The following OPHN1 variants were observed in gnomAD, a reference collection of about 807,000 sequenced individuals.
The protein encoded by OPHN1 is oligophrenin 1, also known as oligophrenin-1.
OPHN1 carries 11 observed loss-of-function variants against 60.7 expected under a neutral mutation model. That is an observed-to-expected ratio of 0.18 (90% CI 0.11 to 0.30). OPHN1 has a LOEUF of 0.30. Among genes scored for constraint, OPHN1 ranks in the 10% least tolerant of loss-of-function variants. The pLI is 1.00. For missense variants in OPHN1, 449 were observed against 611.0 expected, an observed-to-expected ratio of 0.73 and a Z score of 2.80; for synonymous variants, 226 against 222.6, an observed-to-expected ratio of 1.02 and a Z score of -0.14.
intron 19 of OPHN1, among the ~76,000 whole-genome samples, chrX:68,084,847 A>G (rs1272053003): frequency 8.9e-6 from 1 of 111,987 alleles, no homozygotes; most frequent in Non-Finnish European, 1.9e-5. Flanking sequence ...GGTGCTTGGT[A>G]GGCTTAAAAC....
At chrX:68,150,541 G>C (rs1022645286) in intron 15 of OPHN1, among the ~76,000 whole-genome samples, 1 of 111,866 alleles carries the variant, frequency 8.9e-6, no homozygotes, top group Non-Finnish European at 1.9e-5. Flanking sequence ...CTGAGTATCT[G>C]AGAACATGAA....
chrX:68,354,452 CA>C (rs1172935913), intron 2 of OPHN1, among the ~76,000 whole-genome samples: 102 of 24,843 alleles, frequency 4.1e-3, no homozygotes, highest in African/African-American at 0.012. Flanking sequence ...GACTCCATCT[CA>C]AAAAAAAAAA....
chrX:68,303,808 A>G (rs1450229461), intron 2 of OPHN1, among the ~76,000 whole-genome samples: 3 of 111,208 alleles, frequency 2.7e-5, no homozygotes, highest in African/African-American at 9.8e-5. Flanking sequence ...TAAATACCAC[A>G]TGCTCTTACT....
chrX:68,376,458 A>C (rs1342983955), intron 2 of OPHN1, among the ~76,000 whole-genome samples: 1 of 111,054 alleles, frequency 9.0e-6, no homozygotes, highest in East Asian at 2.8e-4. Context: ...GGAAAGGGAG[A>C]AAGAGATAGG....
chrX:68,355,745 A>G (rs375209889), intron 2 of OPHN1, among the ~76,000 whole-genome samples: 1 of 112,234 alleles, frequency 8.9e-6, no homozygotes. Flanking sequence ...CAGGATAAAA[A>G]TAGCGAAGTG....
chrX:68,083,721 T>C (rs759606944), intron 19 of OPHN1, among the ~76,000 whole-genome samples: 4 of 112,305 alleles, frequency 3.6e-5, no homozygotes, highest in Non-Finnish European at 5.6e-5. Flanking sequence ...AGCTTTTGAG[T>C]TAACATGAGA....
chrX:68,164,831 T>C (rs1323411354), intron 15 of OPHN1, among the ~76,000 whole-genome samples: 2 of 112,456 alleles, frequency 1.8e-5, no homozygotes, highest in Non-Finnish European at 3.8e-5. Flanking sequence ...TGTATTTTAC[T>C]GTAGCCGCCT....
At position 68,053,670 on chromosome X, in the gene OPHN1, T is replaced by C; in HGVS notation, c.2299A>G (p.Asn767Asp). The change falls in exon 22 of 25, where the codon AAT becomes GAT. Residue 767 changes from asparagine to aspartate, a missense_variant. Transcript: ENST00000355520. ...PEPKPDIVAG[N>D]AGEITSSVVA... Reference sequence around the variant, plus strand: ...ACAGATGATGTGATTTCCCCCGCATTGCCAGCCACAATATCTGGCTTTGGT... The same window carrying C: ...ACAGATGATGTGATTTCCCCCGCATCGCCAGCCACAATATCTGGCTTTGGT... 1.7e-6 allele frequency: 2 copies of C among 1,211,539 alleles called. No individual in the cohort carries two copies. The highest frequency in any genetic ancestry group is 2.2e-6 in the Non-Finnish European group (2 of 895,446).
intron 16 of OPHN1, among the ~76,000 whole-genome samples, chrX:68,115,879 G>T (rs2077124954): frequency 8.9e-6 from 1 of 112,105 alleles, no homozygotes; most frequent in Non-Finnish European, 1.9e-5. Flanking sequence ...GCCCAAGGTG[G>T]TCAGGGTACA....
intron 16 of OPHN1, among the ~76,000 whole-genome samples, chrX:68,116,841 T>C (rs1434938770): frequency 9.0e-6 from 1 of 111,068 alleles, no homozygotes; most frequent in Admixed American, 9.6e-5. Flanking sequence ...TCATATCCAA[T>C]TCATGAATTG....
At chrX:68,396,460 T>C (rs1222301013) in intron 2 of OPHN1, among the ~76,000 whole-genome samples, 1 of 102,290 alleles carries the variant, frequency 9.8e-6, no homozygotes, top group African/African-American at 3.5e-5. Flanking sequence ...TACATGTCTC[T>C]CCCTGTGTTT....
intron 20 of OPHN1, among the ~76,000 whole-genome samples, chrX:68,064,459 T>C (rs2076905777): frequency 8.9e-6 from 1 of 111,847 alleles, no homozygotes; most frequent in African/African-American, 3.2e-5. Context: ...ATTAAAGGAA[T>C]ATGTCACTCA....
chrX:68,256,199 T>G (rs2077862638), intron 5 of OPHN1, among the ~76,000 whole-genome samples: 1 of 111,337 alleles, frequency 9.0e-6, no homozygotes, highest in Admixed American at 9.6e-5. Context: ...CCTAATCTTA[T>G]TCCACAAATG....
intron 5 of OPHN1, among the ~76,000 whole-genome samples, chrX:68,238,253 T>C (rs2077762472): frequency 9.0e-6 from 1 of 111,384 alleles, no homozygotes; most frequent in South Asian, 3.8e-4. Context: ...TGGAGTGCGA[T>C]TTTTATTTTA....
intron 15 of OPHN1, among the ~76,000 whole-genome samples, chrX:68,139,749 A>G (rs2077234615): frequency 8.9e-6 from 1 of 112,555 alleles, no homozygotes; most frequent in East Asian, 2.8e-4. Context: ...GCAAAGTTCA[A>G]TGCGGGCAAG....
At chrX:68,328,175 C>T (rs2147671393) in intron 2 of OPHN1, among the ~76,000 whole-genome samples, 1 of 94,578 alleles carries the variant, frequency 1.1e-5, no homozygotes, top group Admixed American at 1.2e-4. Context: ...GTCGCCCAGG[C>T]TGGAGTGCAG....
intron 2 of OPHN1, among the ~76,000 whole-genome samples, chrX:68,395,226 G>A (rs1845651192): frequency 9.0e-6 from 1 of 110,869 alleles, no homozygotes; most frequent in African/African-American, 3.3e-5. Flanking sequence ...CAAAGTGCTG[G>A]GATTACAGGC....
chrX:68,257,302 A>G (rs2077868889), intron 5 of OPHN1, among the ~76,000 whole-genome samples: 1 of 112,824 alleles, frequency 8.9e-6, no homozygotes, highest in African/African-American at 3.2e-5. Context: ...AAGGCATTCA[A>G]TTTTAAGCTT....
intron 2 of OPHN1, among the ~76,000 whole-genome samples, chrX:68,384,952 G>A (rs1256035676): frequency 3.6e-5 from 4 of 110,998 alleles, no homozygotes; most frequent in Non-Finnish European, 7.5e-5. Flanking sequence ...CATACTGGGT[G>A]CAGTGTACAC....
Sources: gnomAD v4.1 joint callset for allele counts (sites outside exome capture counted in the v4.1 genomes callset) on GRCh38, gnomAD v4.1.1 for gene constraint, MANE v1.5 for transcripts, NCBI Gene and HGNC (gene_info 2026-07-23, HGNC 2026-07-21) for gene names.